The following RNF213 variants were observed in gnomAD, a reference collection of about 807,000 sequenced individuals.
The protein encoded by RNF213 is E3 ubiquitin-protein ligase RNF213.
A neutral mutation model predicts 514.4 loss-of-function variants in RNF213; 341 were observed. The observed-to-expected ratio is 0.66, with a 90% CI of 0.61 to 0.73. RNF213 has a LOEUF of 0.73. Among genes scored for constraint, RNF213 ranks in the 30% least tolerant of loss-of-function variants. RNF213 has a pLI of 0.00. For synonymous variants in RNF213, 2,655 were observed against 2,658.2 expected (o/e 1.00, Z 0.04); for missense variants, 5,767 against 6,615.6 (o/e 0.87, Z 4.45).
Position 80,295,558 on chromosome 17 carries a change from T to C in RNF213, c.1757T>C (p.Val586Ala), listed in dbSNP as rs1372352538. ...ATCTTCCTCTTCTCCCACCATCAGG[T>C]GAAGAGATACCTGTGGCAACATCTG... is the stretch of plus-strand genomic sequence containing the variant. ...WTDLQYREKE[V>A]KRYLWQHLKK... Residue 586 changes from valine to alanine, a missense_variant and splice_region_variant, in exon 10 of 68, where the codon GTG becomes GCG. By Grantham distance (64) the Val-to-Ala change is moderately conservative. Coordinates refer to ENST00000582970, the MANE Select transcript of RNF213 (RefSeq NM_001256071.3). The C allele has an allele frequency of 6.2e-7, 1 of 1,614,108 alleles. No homozygotes were observed. Among genetic ancestry groups the C allele is most frequent in the Admixed American group, 1.7e-5 (1 of 60,006 alleles).
chr17:80,346,096 C>G lies in RNF213; in HGVS notation c.7761C>G (p.Asp2587Glu). 3.1e-6 allele frequency: 5 copies of G among 1,614,106 alleles called. No individual in the cohort carries two copies. The highest frequency in any genetic ancestry group is 4.2e-6 in the Non-Finnish European group (5 of 1,180,018). Residue 2587 changes from aspartate (D) to glutamate (E), a missense_variant, in exon 29 of 68, where the codon GAC (aspartate) becomes GAG (glutamate). Coordinates refer to ENST00000582970, the MANE Select transcript of RNF213 (RefSeq NM_001256071.3). The surrounding 1 kb of genome is among the most constrained non-coding windows in gnomAD (Gnocchi z 8.1). The stretch of plus-strand genomic sequence containing the variant: ...TGTGGGACTTTGGACAACTGAGTGA[C>G]GTTGCTGAAAAGCTCTACATCCAGC... Reference protein sequence around the residue: ...PLVWDFGQLSDVAEKLYIQQI... With the variant: ...PLVWDFGQLSEVAEKLYIQQI...
intron 58 of RNF213, 136 bp from the exon 59 acceptor site, chr17:80,383,541 A>C (rs971862899): frequency 6.1e-5 from 52 of 848,410 alleles, no homozygotes; most frequent in Non-Finnish European, 1.0e-4. Context: ...ATCAAAGGGA[A>C]TACCTGATTA....
chr17:80,388,723 C>T (rs372294598), intron 64 of RNF213, 34 bp downstream of exon 64: 4 of 1,469,368 alleles, frequency 2.7e-6, no homozygotes, highest in Non-Finnish European at 3.8e-6. Context: ...GTGCACGGGG[C>T]TTTCTGCCTT....
At chr17:80,385,285 T>C (rs1319529731) in intron 60 of RNF213, 114 bp downstream of exon 60, 1 of 1,305,488 alleles carries the variant, frequency 7.7e-7, no homozygotes. Context: ...GGGTGCTCTA[T>C]AGCCTAAGCC....
At chr17:80,307,315 TTAATATGTG>T (rs1431882776) in intron 13 of RNF213, 114 bp downstream of exon 13, 1 of 833,826 alleles carries the variant, frequency 1.2e-6, no homozygotes, top group Non-Finnish European at 2.1e-6. Flanking sequence ...AGGTCATAAA[TTAATATGTG>T]GCCCACTTCT....
Position 80,385,116 on chromosome 17 carries a change from C to T in RNF213, c.14400C>T (p.Asn4800=), listed in dbSNP as rs772660885. 2.5e-6 allele frequency: 4 copies of T among 1,614,024 alleles called. No homozygotes were observed. Among genetic ancestry groups the T allele is most frequent in the East Asian group, 2.2e-5 (1 of 44,894 alleles). Residue 4800 remains asparagine, a synonymous_variant, in exon 60 of 68, where the codon AAC becomes AAT. Coordinates refer to ENST00000582970, the MANE Select transcript of RNF213 (RefSeq NM_001256071.3). ...LQRDLVKQFQ[N]VQQVEYSSIR... ...GGGATCTAGTGAAGCAGTTCCAGAA[C>T]GTCCAGCAAGTTGAATACAGCTCCA...
chr17:80,364,807 G>A, intron 42 of RNF213: 1 of 482,620 alleles, frequency 2.1e-6, no homozygotes, highest in Non-Finnish European at 3.8e-6. Flanking sequence ...GTGCAGAAAG[G>A]GGCTGACGCA....
chr17:80,340,486 G>A (rs896514519), intron 26 of RNF213, 130 bp downstream of exon 26: 4 of 888,086 alleles, frequency 4.5e-6, no homozygotes, highest in Middle Eastern at 3.4e-4. Context: ...TTCATCTGTG[G>A]GTGTCAATCA....
intron 2 of RNF213, among the ~76,000 whole-genome samples, chr17:80,265,080 C>CTTTTTTTT (rs2043569146): frequency 5.1e-5 from 5 of 97,132 alleles, no homozygotes; most frequent in African/African-American, 1.9e-4. Flanking sequence ...TTTTTTTGTT[C>CTTTTTTTT]TTGTTGCTCT....
At chr17:80,373,201 C>T in intron 49 of RNF213, 36 bp downstream of exon 49, 1 of 1,584,758 alleles carries the variant, frequency 6.3e-7, no homozygotes, top group African/African-American at 1.3e-5. Flanking sequence ...CAAACATGCA[C>T]CCCCACAGCC....
At chr17:80,291,372 A>G (rs1047796706) in intron 7 of RNF213, among the ~76,000 whole-genome samples, 20 of 144,192 alleles carry the variant, frequency 1.4e-4, no homozygotes, top group Admixed American at 7.0e-4. Context: ...AGCTTTGTTT[A>G]TCTGAGACAG....
In RNF213 at chr17:80,369,690, G is replaced by A. The variant is rs1268727289; in HGVS notation, c.12325+19G>A. On this transcript the variant is annotated intron_variant, in intron 45 of 67. Coordinates refer to ENST00000582970, the MANE Select transcript of RNF213 (RefSeq NM_001256071.3). ...GCCCAGAGTAGGTTGCTTTCTTCCT[G>A]TAAACCTAGCCCCTCATTTCTTCAT... 4 of 1,614,128 alleles carry A rather than the reference G, an allele frequency of 2.5e-6. No homozygotes were observed. Among genetic ancestry groups the A allele is most frequent in the Admixed American group, 1.7e-5 (1 of 60,028 alleles).
chr17:80,372,954 G>T, intron 48 of RNF213, 21 bp from the exon 49 acceptor site: 1 of 1,610,204 alleles, frequency 6.2e-7, no homozygotes, highest in Non-Finnish European at 8.5e-7. Flanking sequence ...CCACTCACCC[G>T]CTTTCTCGTT....
chr17:80,377,557 T>C lies in RNF213; in HGVS notation c.13511-205T>C, dbSNP rs1278608474. The C allele has an allele frequency of 9.2e-6, 6 of 653,704 alleles. No homozygotes were observed. The East Asian group carries it at 1.1e-4, about 12-fold the overall frequency. The allele number at this position is 653,704 out of a possible 1,614,324, so 40.5% of individuals were successfully genotyped here. On this transcript the variant is annotated intron_variant, in intron 53 of 67. Coordinates refer to ENST00000582970, the MANE Select transcript of RNF213 (RefSeq NM_001256071.3). This position sits in a 1 kb window ranked among gnomAD's most constrained non-coding sequence, Gnocchi z 4.1. ...CTTTACTTGATAAAATTAATAAAATTAGACTCAGACATTTTTCACTGACAA... is the reference window on the plus strand; with the variant it reads ...CTTTACTTGATAAAATTAATAAAATCAGACTCAGACATTTTTCACTGACAA...
intron 65 of RNF213, 25 bp from the exon 66 acceptor site, chr17:80,389,803 C>T: frequency 1.2e-6 from 2 of 1,601,448 alleles, no homozygotes; most frequent in Non-Finnish European, 8.6e-7. Context: ...TCAGCCCCCA[C>T]TCAGGAATTC....
In RNF213 at chr17:80,327,998, C is replaced by T. The variant is rs1599032309; in HGVS notation, c.3367+9C>T. 2.0e-6 allele frequency: 3 copies of T among 1,537,148 alleles called. No individual in the cohort carries two copies. Among genetic ancestry groups the T allele is most frequent in the Non-Finnish European group, 2.6e-6 (3 of 1,146,866 alleles). On this transcript the variant is annotated intron_variant, in intron 19 of 67. Coordinates refer to ENST00000582970, the MANE Select transcript of RNF213 (RefSeq NM_001256071.3). ...TGACATCTGGCAACTGAGTAAGCAT[C>T]GAGTCGATACGCACTTCAGGCTCCT...
chr17:80,353,762 C>T lies in RNF213; in HGVS notation c.10578+96C>T, dbSNP rs78740161. On this transcript the variant is annotated intron_variant, in intron 34 of 67. Coordinates refer to ENST00000582970, the MANE Select transcript of RNF213 (RefSeq NM_001256071.3). The surrounding 1 kb of genome is among the most constrained non-coding windows in gnomAD (Gnocchi z 5.0). ...TTGCATTGGGAGCTAGAGGAGTCGC[C>T]GCCGCTGTGCAGGGGTGAGGATGGC... The T allele has an allele frequency of 4.6e-4, 702 of 1,528,966 alleles. 3 individuals carry two copies. In the East Asian group the frequency reaches 0.015, roughly 32 times the overall value. The allele number at this position is 1,528,966 out of a possible 1,614,324, so 94.7% of individuals were successfully genotyped here.
intron 2 of RNF213, among the ~76,000 whole-genome samples, chr17:80,267,094 G>A (rs757339387): frequency 6.6e-6 from 1 of 152,048 alleles, no homozygotes; most frequent in Non-Finnish European, 1.5e-5. Flanking sequence ...GCTCATGCCT[G>A]TAATCCCAGC....
At position 80,304,800 on chromosome 17, in the gene RNF213, C is replaced by T. The variant is rs1216318366; in HGVS notation, c.2211-1452C>T. Among the ~76,000 whole-genome samples, 3 of 152,114 alleles carry T rather than the reference C, an allele frequency of 2.0e-5. No individual in the cohort carries two copies. In the South Asian group the frequency reaches 6.2e-4, roughly 32 times the overall value. ...CAAGCACATTCACACTGCTGTGTAG[C>T]CGTCAGCACCATCCACCTCCCGAAC... On this transcript the variant is annotated intron_variant, in intron 11 of 67. Transcript: ENST00000582970.
Sources: gnomAD v4.1 joint callset for allele counts (sites outside exome capture counted in the v4.1 genomes callset) on GRCh38, gnomAD v4.1.1 for gene constraint, Gnocchi (gnomAD v3.1) non-coding constraint, MANE v1.5 for transcripts, NCBI Gene and HGNC (gene_info 2026-07-23, HGNC 2026-07-21) for gene names.